Variants in CSMD3 observed in about 807,000 individuals in gnomAD.
CSMD3 encodes CUB and Sushi multiple domains 3.
Under a neutral mutation model 435.2 loss-of-function variants are expected in CSMD3, and 177 were observed. That is an observed-to-expected ratio of 0.41 (90% CI 0.36 to 0.46). The LOEUF (loss-of-function observed/expected upper bound fraction) is 0.46. Among genes scored for constraint, CSMD3 ranks in the 20% least tolerant of loss-of-function variants. The pLI is 0.34. For synonymous variants in CSMD3, 1,656 were observed against 1,520.5 expected, an observed-to-expected ratio of 1.09 and a Z score of -2.07; for missense variants, 4,265 against 4,504.6, an observed-to-expected ratio of 0.95 and a Z score of 1.52.
At chr8:112,439,863 C>CT (rs1491456946) in intron 32 of CSMD3, among the ~76,000 whole-genome samples, 17 of 51,170 alleles carry the variant, frequency 3.3e-4, no homozygotes, top group Non-Finnish European at 9.4e-4. Context: ...GCCACTAGGT[C>CT]CCCCCCCGCC....
intron 10 of CSMD3, among the ~76,000 whole-genome samples, chr8:112,860,861 A>G (rs536304561): frequency 1.3e-5 from 2 of 148,266 alleles, no homozygotes; most frequent in Admixed American, 1.4e-4. Flanking sequence ...TCTCTTTTCT[A>G]TTTGTTCAAT....
At chr8:112,759,081 G>A (rs2077772231) in intron 13 of CSMD3, among the ~76,000 whole-genome samples, 1 of 152,054 alleles carries the variant, frequency 6.6e-6, no homozygotes. Context: ...TAGATTTATA[G>A]TTTTGCATTA....
intron 32 of CSMD3, among the ~76,000 whole-genome samples, chr8:112,423,929 G>A (rs959661193): frequency 8.6e-5 from 13 of 151,990 alleles, no homozygotes; most frequent in Non-Finnish European, 1.3e-4. Flanking sequence ...GTATGGAATC[G>A]TTTTAAATTA....
In CSMD3 at chr8:113,019,500, AGTTT is replaced by A. The variant is rs1180856941; in HGVS notation, c.918-325_918-322del. ...TGGTATTGTTTTATTAGTATTATAT[AGTTT>A]ATCATTTATTAATATGTTATATATT... On this transcript the variant is annotated intron_variant, in intron 5 of 70. Transcript: ENST00000297405. 6.7e-5 allele frequency among the ~76,000 whole-genome samples: 10 copies of A among 149,820 alleles called. No homozygotes were observed. The South Asian group carries it at 1.9e-3, about 28-fold the overall frequency.
intron 13 of CSMD3, among the ~76,000 whole-genome samples, chr8:112,775,477 TAA>T (rs1434331722): frequency 4.0e-5 from 6 of 151,894 alleles, no homozygotes; most frequent in African/African-American, 1.4e-4. Context: ...ATTTATAAAT[TAA>T]GTTTCGTTTT....
At chr8:113,291,382 C>T (rs768322541) in intron 2 of CSMD3, among the ~76,000 whole-genome samples, 58 of 151,732 alleles carry the variant, frequency 3.8e-4, no homozygotes, top group Non-Finnish European at 4.3e-4. Flanking sequence ...TACGATAGGA[C>T]TTCATTGGGG....
chr8:112,777,636 G>T (rs1021362073), intron 13 of CSMD3, among the ~76,000 whole-genome samples: 1 of 151,674 alleles, frequency 6.6e-6, no homozygotes, highest in Admixed American at 6.6e-5. Flanking sequence ...TGGTGACCAC[G>T]ACTGAATTAA....
intron 13 of CSMD3, among the ~76,000 whole-genome samples, chr8:112,726,436 G>C (rs1402166115): frequency 6.6e-6 from 1 of 151,704 alleles, no homozygotes; most frequent in Non-Finnish European, 1.5e-5. Context: ...TTATGTACTT[G>C]GCAAGTAGTA....
rs573745432 is a variant in CSMD3, at chr8:112,549,660, T to C, written c.4564+1011A>G. ...GACATTTCAATGTTACATTTATTTA[T>C]GTAAAAATAATAGTTCATTAGGTAC... is the stretch of plus-strand genomic sequence containing the variant. On this transcript the variant is annotated intron_variant, in intron 27 of 70. Coordinates refer to ENST00000297405, the MANE Select transcript of CSMD3 (RefSeq NM_198123.2). Among the ~76,000 whole-genome samples the C allele has an allele frequency of 1.2e-4, 18 of 152,204 alleles. No individual in the cohort carries two copies. In the East Asian group the frequency reaches 3.3e-3, roughly 28 times the overall value.
chr8:113,038,226 T>A (rs2087443883), intron 5 of CSMD3, among the ~76,000 whole-genome samples: 2 of 152,070 alleles, frequency 1.3e-5, no homozygotes, highest in Non-Finnish European at 1.5e-5. Context: ...AAAACTGTAG[T>A]TGGAATATAA....
At chr8:113,224,265 A>G (rs2093001898) in intron 3 of CSMD3, among the ~76,000 whole-genome samples, 1 of 151,094 alleles carries the variant, frequency 6.6e-6, no homozygotes, top group Non-Finnish European at 1.5e-5. Context: ...GTTGATTTTT[A>G]TTTTGTATTT....
At position 112,247,013 on chromosome 8, in the gene CSMD3, T is replaced by C. The variant is rs1209143521; in HGVS notation, c.10222+7A>G. ...TGATAGCATTATTTCTTATCCATAA[T>C]ACTTACGTATGCATTCAGGCTGAAT... is the stretch of plus-strand genomic sequence containing the variant. On this transcript the variant is annotated splice_region_variant and intron_variant, in intron 64 of 70. Coordinates refer to ENST00000297405, the MANE Select transcript of CSMD3 (RefSeq NM_198123.2). The C allele has an allele frequency of 1.3e-6, 2 of 1,585,512 alleles. No homozygotes were observed. The highest frequency in any genetic ancestry group is 3.3e-5 in the Admixed American group (2 of 59,940).
intron 12 of CSMD3, among the ~76,000 whole-genome samples, chr8:112,814,116 TA>T (rs2079305575): frequency 6.6e-6 from 1 of 152,162 alleles, no homozygotes; most frequent in Non-Finnish European, 1.5e-5. Context: ...GAAGTTTATA[TA>T]TCATCTTGAG....
intron 26 of CSMD3, among the ~76,000 whole-genome samples, chr8:112,551,341 T>G (rs751626916): frequency 3.9e-5 from 6 of 152,102 alleles, no homozygotes; most frequent in Non-Finnish European, 7.4e-5. Context: ...AGTCAAAAAT[T>G]GAACTCAAGT....
intron 27 of CSMD3, among the ~76,000 whole-genome samples, chr8:112,524,177 T>C (rs1267660401): frequency 6.6e-6 from 1 of 151,968 alleles, no homozygotes; most frequent in Non-Finnish European, 1.5e-5. Context: ...TCATATCATA[T>C]ACAGTCAATG....
intron 9 of CSMD3, among the ~76,000 whole-genome samples, chr8:112,931,310 T>A (rs1027279534): frequency 6.6e-6 from 1 of 152,062 alleles, no homozygotes; most frequent in African/African-American, 2.4e-5. Flanking sequence ...TAAACAACTT[T>A]GGAATTAATG....
chr8:113,285,693 C>A (rs1310902018), intron 2 of CSMD3, among the ~76,000 whole-genome samples: 2 of 152,104 alleles, frequency 1.3e-5, no homozygotes, highest in African/African-American at 4.8e-5. Flanking sequence ...AAATTTCAGG[C>A]AGATATTTTT....
At chr8:112,648,529 T>C (rs941079414) in intron 19 of CSMD3, among the ~76,000 whole-genome samples, 1 of 152,160 alleles carries the variant, frequency 6.6e-6, no homozygotes, top group Admixed American at 6.5e-5. Flanking sequence ...TGATTAGTCA[T>C]TTGAGCTTTC....
At chr8:113,070,206 C>A (rs1464296668) in intron 5 of CSMD3, among the ~76,000 whole-genome samples, 1 of 152,014 alleles carries the variant, frequency 6.6e-6, no homozygotes, top group Non-Finnish European at 1.5e-5. Flanking sequence ...AAATTTATCT[C>A]CAAGAGGGCA....
Sources: gnomAD v4.1 joint callset for allele counts (sites outside exome capture counted in the v4.1 genomes callset) on GRCh38, gnomAD v4.1.1 for gene constraint, MANE v1.5 for transcripts, NCBI Gene and HGNC (gene_info 2026-07-23, HGNC 2026-07-21) for gene names.